Variants in LARP4B observed in about 807,000 individuals in gnomAD.
LARP4B encodes the protein la-related protein 4B.
LARP4B carries 12 observed loss-of-function variants against 89.8 expected under a neutral mutation model. The ratio of observed to expected loss-of-function variants is 0.13; its 90% CI spans 0.09 to 0.22. The LOEUF (loss-of-function observed/expected upper bound fraction) is 0.22. Ranked by LOEUF, LARP4B falls within the 10% of genes least tolerant of loss-of-function variation. The pLI, the probability that LARP4B is intolerant of heterozygous loss-of-function variation, is 1.00. For missense variants in LARP4B, 757 were observed against 947.7 expected, an observed-to-expected ratio of 0.80 and a Z score of 2.64; for synonymous variants, 367 against 363.3, an observed-to-expected ratio of 1.01 and a Z score of -0.12.
intron 11 of LARP4B, among the ~76,000 whole-genome samples, chr10:827,242 C>G (rs184709613): frequency 4.0e-4 from 61 of 150,864 alleles, no homozygotes; most frequent in Admixed American, 2.3e-3. Context: ...GGCCACTGCA[C>G]TCCAGCCTGG....
chr10:863,226 A>ATT (rs774627981), intron 5 of LARP4B, among the ~76,000 whole-genome samples: 34 of 109,184 alleles, frequency 3.1e-4, no homozygotes, highest in Non-Finnish European at 5.0e-4. Context: ...AATAGGTTTC[A>ATT]TTTTTTTTTT....
intron 3 of LARP4B, among the ~76,000 whole-genome samples, chr10:880,835 G>T (rs1046632777): frequency 7.2e-5 from 11 of 152,186 alleles, no homozygotes; most frequent in Non-Finnish European, 1.3e-4. Flanking sequence ...TTTCTTCTGA[G>T]GAGGTAATTT....
Position 863,889 on chromosome 10 carries a change from A to G in LARP4B, c.290-6T>C, listed in dbSNP as rs1474280279. On this transcript the variant is annotated splice_polypyrimidine_tract_variant and splice_region_variant and intron_variant, in intron 4 of 17. Transcript: ENST00000316157. ...ATCACCATTGGCATCCGATCCTACA[A>G]TTAGGAGTTTACCCCAAAAAGGCAG... 6.2e-7 allele frequency: 1 copy of G among 1,606,762 alleles called. No individual in the cohort carries two copies. The highest frequency in any genetic ancestry group is 1.3e-5 in the African/African-American group (1 of 74,334).
chr10:840,042 T>C (rs964178707), intron 7 of LARP4B, among the ~76,000 whole-genome samples: 3 of 151,984 alleles, frequency 2.0e-5, no homozygotes, highest in Non-Finnish European at 4.4e-5. Context: ...CGACTCCATT[T>C]ACATCAAATT....
intron 1 of LARP4B, among the ~76,000 whole-genome samples, chr10:900,806 A>G (rs1303233231): frequency 6.6e-6 from 1 of 150,442 alleles, no homozygotes; most frequent in Non-Finnish European, 1.5e-5. Context: ...GTTTAGAGAG[A>G]CGATGTTTCA....
chr10:855,413 G>T (rs1036096894), intron 5 of LARP4B, among the ~76,000 whole-genome samples: 6 of 152,092 alleles, frequency 3.9e-5, no homozygotes, highest in Non-Finnish European at 8.8e-5. Flanking sequence ...CCTCAGAAGA[G>T]GGAATGTAGG....
chr10:975,924 G>A, the LARP4B span, among the ~76,000 whole-genome samples: 16 of 149,604 alleles, frequency 1.1e-4, no homozygotes, highest in Admixed American at 5.3e-4. Context: ...GTGTGGACCC[G>A]GCCTAGTAGA....
intron 4 of LARP4B, 93 bp downstream of exon 4, chr10:864,030 T>A: frequency 6.4e-7 from 1 of 1,574,408 alleles, no homozygotes; most frequent in African/African-American, 1.3e-5. Context: ...GACACAGTTA[T>A]GAATGAACAA....
chr10:943,587 A>G, the LARP4B span, among the ~76,000 whole-genome samples: 4 of 152,316 alleles, frequency 2.6e-5, no homozygotes, highest in Admixed American at 6.5e-5. Context: ...GTGCCACCAC[A>G]TAGGGCCAGT....
chr10:951,892 G>A, the LARP4B span, among the ~76,000 whole-genome samples: 3 of 146,340 alleles, frequency 2.1e-5, no homozygotes, highest in Non-Finnish European at 3.0e-5. Flanking sequence ...CCTTTAAAAG[G>A]AAGAAATCGC....
chr10:809,471 A>G (rs1831661653), downstream of LARP4B: 1 of 152,244 alleles, frequency 6.6e-6, no homozygotes, highest in Non-Finnish European at 1.5e-5. Flanking sequence ...TTATGGGAAC[A>G]GACAAAAAAC....
At chr10:915,437 TTC>T (rs1276174311) in intron 1 of LARP4B, among the ~76,000 whole-genome samples, 23 of 152,050 alleles carry the variant, frequency 1.5e-4, no homozygotes, top group Admixed American at 9.2e-4. Context: ...AAAAAAAAGA[TTC>T]TGTTGGTCTC....
At chr10:974,434 G>A in the LARP4B span, among the ~76,000 whole-genome samples, 1 of 152,226 alleles carries the variant, frequency 6.6e-6, no homozygotes, top group Non-Finnish European at 1.5e-5. Flanking sequence ...GTGTTTCTCA[G>A]AGAGGCCTGG....
chr10:943,199 G>A, the LARP4B span, among the ~76,000 whole-genome samples: 9 of 151,994 alleles, frequency 5.9e-5, no homozygotes, highest in African/African-American at 1.9e-4. Context: ...TGCCTACCTC[G>A]GCCTTCCAAA....
In LARP4B at chr10:909,534, T is replaced by G. The variant is rs544534628; in HGVS notation, c.-40+21894A>C. Among the ~76,000 whole-genome samples, 4 of 152,182 alleles carry G rather than the reference T, an allele frequency of 2.6e-5. No individual in the cohort carries two copies. The South Asian group carries it at 8.3e-4, about 32-fold the overall frequency. On this transcript the variant is annotated intron_variant, in intron 1 of 17. Transcript: ENST00000316157. ...GCTCTGTGGCTCATGCCTGTAATCCTGGCACTTTGGGGGGCCAAGGCAGGT... is the reference window on the plus strand; with the variant it reads ...GCTCTGTGGCTCATGCCTGTAATCCGGGCACTTTGGGGGGCCAAGGCAGGT...
intron 5 of LARP4B, among the ~76,000 whole-genome samples, chr10:848,945 A>T (rs1157755692): frequency 2.6e-5 from 4 of 152,182 alleles, no homozygotes; most frequent in Non-Finnish European, 5.9e-5. Context: ...TAAAAATAAA[A>T]ACATATATTG....
upstream of LARP4B, among the ~76,000 whole-genome samples, chr10:935,894 G>GT (rs545562138): frequency 2.1e-3 from 298 of 142,976 alleles, no homozygotes; most frequent in Middle Eastern, 0.025. Flanking sequence ...AATTTTTGTT[G>GT]TTTTTTTTTT....
chr10:978,933 C>A, the LARP4B span, among the ~76,000 whole-genome samples: 2 of 151,628 alleles, frequency 1.3e-5, no homozygotes, highest in African/African-American at 2.4e-5. Flanking sequence ...TTGTTTCCCA[C>A]CCCCCCTCCT....
intron 5 of LARP4B, among the ~76,000 whole-genome samples, chr10:862,984 A>G (rs1564414373): frequency 1.3e-5 from 2 of 152,050 alleles, no homozygotes; most frequent in Admixed American, 6.6e-5. Context: ...ACTCCTGCAA[A>G]ATTTACCTTC....
Sources: allele counts gnomAD v4.1 joint callset (sites outside exome capture counted in the v4.1 genomes callset), GRCh38; gene constraint gnomAD v4.1.1; transcripts MANE v1.5; gene names NCBI Gene and HGNC (gene_info 2026-07-23, HGNC 2026-07-21).